UBE2E2: variants seen among roughly 807,000 people sequenced by gnomAD.
UBE2E2 encodes ubiquitin conjugating enzyme E2 E2, also known as ubiquitin-conjugating enzyme E2 E2.
A neutral mutation model predicts 24.7 loss-of-function variants in UBE2E2; 6 were observed. That is an observed-to-expected ratio of 0.24 (90% CI 0.13 to 0.48). UBE2E2 has a LOEUF of 0.48. UBE2E2 is among the 20% of genes least tolerant of loss of function. The pLI is 0.99. For missense variants in UBE2E2, 169 were observed against 245.0 expected, an observed-to-expected ratio of 0.69 and a Z score of 2.07; for synonymous variants, 104 against 83.6, an observed-to-expected ratio of 1.24 and a Z score of -1.33.
At chr3:23,367,396 A>ACAC (rs1285199882) in intron 3 of UBE2E2, among the ~76,000 whole-genome samples, 1 of 152,040 alleles carries the variant, frequency 6.6e-6, no homozygotes, top group Non-Finnish European at 1.5e-5. Flanking sequence ...GCTGAAAGTC[A>ACAC]CACCAACATC....
At chr3:23,576,524 C>T (rs184798355) in intron 5 of UBE2E2, among the ~76,000 whole-genome samples, 29 of 152,248 alleles carry the variant, frequency 1.9e-4, no homozygotes, top group Middle Eastern at 3.4e-3. Flanking sequence ...TCCTAGTAAT[C>T]CTTGAGTAGA....
intron 4 of UBE2E2, among the ~76,000 whole-genome samples, chr3:23,518,478 G>T (rs2125472484): frequency 6.6e-6 from 1 of 152,370 alleles, no homozygotes; most frequent in South Asian, 2.1e-4. Flanking sequence ...GTATGTTTGT[G>T]ATAGTCCTGG....
At chr3:23,348,998 A>G (rs997632494) in intron 3 of UBE2E2, among the ~76,000 whole-genome samples, 1 of 151,996 alleles carries the variant, frequency 6.6e-6, no homozygotes, top group Non-Finnish European at 1.5e-5. Context: ...CCACCCCCCC[A>G]CCACCTCCCC....
intron 5 of UBE2E2, among the ~76,000 whole-genome samples, chr3:23,556,453 T>TAAAAAAAA (rs1321819270): frequency 1.2e-3 from 80 of 68,954 alleles, no homozygotes; most frequent in Middle Eastern, 8.1e-3. Context: ...TAAAATTTAT[T>TAAAAAAAA]TAAAAAAAAA....
intron 3 of UBE2E2, among the ~76,000 whole-genome samples, chr3:23,363,403 C>A (rs1382428991): frequency 6.6e-6 from 1 of 152,180 alleles, no homozygotes; most frequent in Admixed American, 6.5e-5. Context: ...CTACAGGACT[C>A]ATCTCACATG....
intron 5 of UBE2E2, among the ~76,000 whole-genome samples, chr3:23,548,173 G>A (rs978963168): frequency 6.6e-6 from 1 of 152,078 alleles, no homozygotes; most frequent in Non-Finnish European, 1.5e-5. Context: ...AAGCAACTAA[G>A]AGAAAGAAAA....
chr3:23,455,134 G>A (rs1698649754), intron 3 of UBE2E2, among the ~76,000 whole-genome samples: 2 of 152,148 alleles, frequency 1.3e-5, no homozygotes, highest in Admixed American at 6.5e-5. Flanking sequence ...CCCTGCATGC[G>A]AGGTAAATAG....
intron 3 of UBE2E2, among the ~76,000 whole-genome samples, chr3:23,381,578 C>T (rs992057477): frequency 2.6e-5 from 4 of 152,236 alleles, no homozygotes; most frequent in East Asian, 1.9e-4. Context: ...GCCAGTACCC[C>T]GGCTAGCTGA....
At chr3:23,216,382 C>T (rs749884094) in intron 2 of UBE2E2, among the ~76,000 whole-genome samples, 4 of 152,088 alleles carry the variant, frequency 2.6e-5, no homozygotes, top group Non-Finnish European at 5.9e-5. Context: ...TTTAAAGATA[C>T]TTTAATCAGT....
chr3:23,235,047 C>T (rs1464677762), intron 3 of UBE2E2, among the ~76,000 whole-genome samples: 1 of 152,178 alleles, frequency 6.6e-6, no homozygotes, highest in Non-Finnish European at 1.5e-5. Context: ...AATATGTGAT[C>T]AGCACTGTGC....
At chr3:23,226,098 C>T (rs892656276) in intron 3 of UBE2E2, among the ~76,000 whole-genome samples, 4 of 152,124 alleles carry the variant, frequency 2.6e-5, no homozygotes, top group Non-Finnish European at 4.4e-5. Flanking sequence ...AGACTGGTCT[C>T]GAACTCCTGA....
chr3:23,444,117 A>G lies in UBE2E2; in HGVS notation c.228-55491A>G, dbSNP rs183938246. ...TGTTGCTTGCCTGCTGAAATAAAAT[A>G]TGACTTATGTCCCTCAAATGTCTGA... On this transcript the variant is annotated intron_variant, in intron 3 of 5. Transcript: ENST00000396703. Among the ~76,000 whole-genome samples, 7 of 143,352 alleles carry G rather than the reference A, an allele frequency of 4.9e-5. No individual in the cohort carries two copies. The East Asian group carries it at 1.4e-3, about 29-fold the overall frequency. 94.0% of individuals were successfully genotyped at this position (143,352 alleles called of 152,430 possible).
intron 3 of UBE2E2, among the ~76,000 whole-genome samples, chr3:23,353,120 C>T (rs760066363): frequency 3.9e-5 from 6 of 152,150 alleles, no homozygotes; most frequent in Non-Finnish European, 7.3e-5. Flanking sequence ...ATAAACAGAA[C>T]CAAAGACAAA....
At chr3:23,449,950 G>C in intron 3 of UBE2E2, 1 of 985,074 alleles carries the variant, frequency 1.0e-6, no homozygotes, top group Non-Finnish European at 1.2e-6. Context: ...CCCTGAAGAG[G>C]CATCCTCCTG....
At chr3:23,233,275 A>G (rs577607367) in intron 3 of UBE2E2, among the ~76,000 whole-genome samples, 1 of 152,274 alleles carries the variant, frequency 6.6e-6, no homozygotes, top group South Asian at 2.1e-4. Context: ...GTTTAAGGTA[A>G]AATATTTGCA....
intron 3 of UBE2E2, among the ~76,000 whole-genome samples, chr3:23,218,183 A>T (rs1696530825): frequency 6.6e-6 from 1 of 152,096 alleles, no homozygotes; most frequent in South Asian, 2.1e-4. Context: ...GAGTTTACTG[A>T]TCTTACTTTT....
At chr3:23,535,754 C>G (rs1695246834) in intron 5 of UBE2E2, among the ~76,000 whole-genome samples, 1 of 151,326 alleles carries the variant, frequency 6.6e-6, no homozygotes, top group Admixed American at 6.6e-5. Context: ...TCCCGAGTAG[C>G]TGGGTCTACA....
intron 3 of UBE2E2, among the ~76,000 whole-genome samples, chr3:23,488,399 C>T (rs955067117): frequency 6.6e-6 from 1 of 152,062 alleles, no homozygotes; most frequent in Non-Finnish European, 1.5e-5. Flanking sequence ...GTGTGATGTT[C>T]CCCTCCCTGT....
chr3:23,351,157 A>C (rs1280725439), intron 3 of UBE2E2, among the ~76,000 whole-genome samples: 1 of 152,216 alleles, frequency 6.6e-6, no homozygotes, highest in Non-Finnish European at 1.5e-5. Context: ...GTGAAGGAGA[A>C]ATAAAATACT....
Sources: gnomAD v4.1 joint callset for allele counts (sites outside exome capture counted in the v4.1 genomes callset) on GRCh38, gnomAD v4.1.1 for gene constraint, MANE v1.5 for transcripts, NCBI Gene and HGNC (gene_info 2026-07-23, HGNC 2026-07-21) for gene names.